CDH17: variants seen among roughly 807,000 people sequenced by gnomAD.
CDH17 encodes the protein cadherin 17.
A neutral mutation model predicts 86.3 loss-of-function variants in CDH17; 67 were observed. The observed-to-expected ratio is 0.78, with a 90% CI of 0.64 to 0.95. The LOEUF is 0.95. CDH17 is among the 40% of genes least tolerant of loss of function. CDH17 has a pLI of 0.00. For synonymous variants in CDH17, 367 were observed against 366.4 expected (o/e 1.00, Z -0.02); for missense variants, 993 against 1,017.6 (o/e 0.98, Z 0.33).
intron 10 of CDH17, among the ~76,000 whole-genome samples, chr8:94,164,740 C>A (rs1321027214): frequency 2.0e-5 from 3 of 152,156 alleles, no homozygotes; most frequent in African/African-American, 7.2e-5. Flanking sequence ...ATATGGTAAT[C>A]GAAGATTAGT....
intron 10 of CDH17, among the ~76,000 whole-genome samples, chr8:94,163,550 T>C (rs1586253065): frequency 6.6e-6 from 1 of 152,378 alleles, no homozygotes; most frequent in East Asian, 1.9e-4. Context: ...CTTCAGGTTT[T>C]AGGGCAGAAA....
At chr8:94,176,287 A>G (rs1330514235) in intron 5 of CDH17, among the ~76,000 whole-genome samples, 1 of 152,182 alleles carries the variant, frequency 6.6e-6, no homozygotes, top group Non-Finnish European at 1.5e-5. Flanking sequence ...GATGCTGCCA[A>G]TCATCCTACA....
rs1248857792 is a variant in CDH17, at chr8:94,146,026, G to A, written c.2069C>T (p.Ala690Val). The stretch of plus-strand genomic sequence containing the variant: ...AAATAAGTGCTGATCATCATCAGTA[G>A]CCTCGAAAATGAGACTTCCAGGTGC... ...LSAPGSLIFE[A>V]TDDDQHLFRG... The change falls in exon 15 of 18, where the codon GCT (alanine) becomes GTT (valine). Residue 690 changes from alanine to valine, a missense_variant. Transcript: ENST00000027335. 1 of 1,613,800 alleles carries A rather than the reference G, an allele frequency of 6.2e-7. No homozygotes were observed. Among genetic ancestry groups the A allele is most frequent in the Non-Finnish European group, 8.5e-7 (1 of 1,179,930 alleles).
At chr8:94,180,313 T>C (rs536002541) in intron 3 of CDH17, among the ~76,000 whole-genome samples, 3 of 151,034 alleles carry the variant, frequency 2.0e-5, no homozygotes, top group Admixed American at 6.6e-5. Context: ...GAAAAACACA[T>C]ACATAATAAA....
chr8:94,162,289 A>G, intron 10 of CDH17, 127 bp from the exon 11 acceptor site: 2 of 660,288 alleles, frequency 3.0e-6, no homozygotes, highest in East Asian at 2.8e-5. Flanking sequence ...TTGACATGCA[A>G]TTTGTGCAGA....
intron 10 of CDH17, 94 bp downstream of exon 10, chr8:94,165,667 A>G (rs1003585424): frequency 2.4e-6 from 2 of 841,818 alleles, no homozygotes; most frequent in Non-Finnish European, 4.0e-6. Context: ...AAATGGCATC[A>G]TTCTATAACA....
At position 94,128,312 on chromosome 8, in the gene CDH17, G is replaced by A; in HGVS notation, c.2427C>T (p.Arg809=). ...IGIILAVVFI[R]IKKDKGKDNV... is the part of the protein sequence containing the mutation. Reference sequence around the variant, plus strand: ...TATCTTTGCCTTTATCCTTCTTTATGCGGATAAACACAACTGCTAAAATTA... The same window carrying A: ...TATCTTTGCCTTTATCCTTCTTTATACGGATAAACACAACTGCTAAAATTA... Residue 809 remains arginine, a synonymous_variant, in exon 18 of 18, where the codon CGC becomes CGT. Coordinates refer to ENST00000027335, the MANE Select transcript of CDH17 (RefSeq NM_004063.4). 6.2e-7 allele frequency: 1 copy of A among 1,611,972 alleles called. No homozygotes were observed. Among genetic ancestry groups the A allele is most frequent in the Non-Finnish European group, 8.5e-7 (1 of 1,178,514 alleles).
chr8:94,190,909 G>A (rs1179014105), intron 2 of CDH17, among the ~76,000 whole-genome samples: 1 of 152,192 alleles, frequency 6.6e-6, no homozygotes, highest in African/African-American at 2.4e-5. Flanking sequence ...AAGCAATAAT[G>A]AATGAGAACA....
chr8:94,130,814 A>G, intron 16 of CDH17, 62 bp downstream of exon 16: 1 of 1,501,516 alleles, frequency 6.7e-7, no homozygotes, highest in Non-Finnish European at 9.3e-7. Context: ...AAAGACAAGA[A>G]TCTCCTCAAA....
chr8:94,140,244 T>G (rs1812611542), intron 15 of CDH17, among the ~76,000 whole-genome samples: 1 of 152,078 alleles, frequency 6.6e-6, no homozygotes. Context: ...CAACATAGTG[T>G]GACCCCCATC....
At chr8:94,166,276 T>C (rs1813154226) in intron 9 of CDH17, among the ~76,000 whole-genome samples, 1 of 152,188 alleles carries the variant, frequency 6.6e-6, no homozygotes, top group African/African-American at 2.4e-5. Context: ...CTTCCGAGGC[T>C]TCTCCTGGGC....
chr8:94,136,809 G>T (rs974050407), intron 15 of CDH17, among the ~76,000 whole-genome samples: 1 of 152,182 alleles, frequency 6.6e-6, no homozygotes, highest in Admixed American at 6.5e-5. Flanking sequence ...TGGGGTTTTG[G>T]TGTAGATGTC....
At chr8:94,145,845 G>A in intron 15 of CDH17, 83 bp downstream of exon 15, 2 of 1,427,552 alleles carry the variant, frequency 1.4e-6, no homozygotes, top group South Asian at 2.7e-5. Flanking sequence ...GCTCTTTGCT[G>A]AGTACAGCAA....
chr8:94,159,852 A>G, intron 12 of CDH17, 119 bp downstream of exon 12: 1 of 669,666 alleles, frequency 1.5e-6, no homozygotes, highest in Admixed American at 3.6e-5. Flanking sequence ...CCAGGAACCC[A>G]TCACCATGCC....
At chr8:94,205,458 A>G (rs1010252091) in intron 1 of CDH17, among the ~76,000 whole-genome samples, 2 of 152,050 alleles carry the variant, frequency 1.3e-5, no homozygotes, top group Non-Finnish European at 2.9e-5. Context: ...AGAAAGAAAG[A>G]AAAGAGAAGA....
chr8:94,166,060 C>A, intron 9 of CDH17, 84 bp from the exon 10 acceptor site: 1 of 785,874 alleles, frequency 1.3e-6, no homozygotes, highest in Non-Finnish European at 2.1e-6. Context: ...AAGCACATTC[C>A]TAGAAAACAC....
intron 3 of CDH17, among the ~76,000 whole-genome samples, chr8:94,187,619 T>C (rs1195741228): frequency 6.6e-6 from 1 of 152,000 alleles, no homozygotes; most frequent in Non-Finnish European, 1.5e-5. Flanking sequence ...TTCAGATCCA[T>C]TGCTTTTGAG....
At position 94,189,240 on chromosome 8, in the gene CDH17, G is replaced by A. The variant is rs145693879; in HGVS notation, c.97C>T (p.Pro33Ser). The A allele has an allele frequency of 1.5e-3, 2,381 of 1,612,788 alleles. 1 individual carries two copies. Among genetic ancestry groups the A allele is most frequent in the Non-Finnish European group, 1.8e-3 (2,124 of 1,179,690 alleles). ...CCTTCATAAATAGAAAATGTCATGG[G>A]TTTCAGGGGTCCACTAAACTTCCCC... ...QEGKFSGPLK[P>S]MTFSIYEGQE... The change falls in exon 3 of 18, where the codon CCC becomes TCC. Residue 33 changes from proline to serine, a missense_variant. Transcript: ENST00000027335.
chr8:94,136,247 GT>G (rs1251697169), intron 15 of CDH17, among the ~76,000 whole-genome samples: 1 of 152,170 alleles, frequency 6.6e-6, no homozygotes, highest in Non-Finnish European at 1.5e-5. Context: ...CCTGAAGAGT[GT>G]TTTCCAACTT....
Sources: allele counts gnomAD v4.1 joint callset (sites outside exome capture counted in the v4.1 genomes callset), GRCh38; gene constraint gnomAD v4.1.1; transcripts MANE v1.5; gene names NCBI Gene and HGNC (gene_info 2026-07-23, HGNC 2026-07-21).